Variants in EOLA1 observed in about 807,000 individuals in gnomAD.
EOLA1 encodes the protein protein EOLA1.
A neutral mutation model predicts 4.5 loss-of-function variants in EOLA1; 1 was observed. The ratio of observed to expected loss-of-function variants is 0.22; its 90% CI spans 0.08 to 1.05. The LOEUF (loss-of-function observed/expected upper bound fraction) is 1.05, where lower values mean the gene tolerates loss of function less well. Among genes scored for constraint, EOLA1 ranks in the 50% least tolerant of loss-of-function variants. The pLI is 0.57. For synonymous variants in EOLA1, 37 were observed against 52.3 expected, an observed-to-expected ratio of 0.71 and a Z score of 1.26; for missense variants, 69 against 127.2, an observed-to-expected ratio of 0.54 and a Z score of 2.20.
downstream of EOLA1, chrX:149,548,352 A>G: frequency 3.2e-6 from 3 of 932,740 alleles, no homozygotes; most frequent in Non-Finnish European, 4.0e-6. Context: ...GTGTTTCTGA[A>G]CTGTTCACAG....
At chrX:149,543,434 C>T (rs1449317054) in intron 2 of EOLA1, among the ~76,000 whole-genome samples, 1 of 86,610 alleles carries the variant, frequency 1.2e-5, no homozygotes, top group Admixed American at 1.2e-4. Context: ...CTCATTGTCC[C>T]TGTACCAAGA....
At chrX:149,554,568 AGCCATGGT>A (rs1320398642), downstream of EOLA1, among the ~76,000 whole-genome samples, 1 of 56,386 alleles carries the variant, frequency 1.8e-5, no homozygotes, top group Non-Finnish European at 3.4e-5. Flanking sequence ...GGAGGGGTTG[AGCCATGGT>A]GCAGTTTCTG....
chrX:149,545,223 T>C (rs2089816812), intron 2 of EOLA1, 145 bp from the exon 3 acceptor site: 2 of 674,499 alleles, frequency 3.0e-6, no homozygotes, highest in Non-Finnish European at 1.8e-6. Flanking sequence ...GGACTCTCCC[T>C]CTGTGCTGGA....
chrX:149,547,415 A>T lies in EOLA1; in HGVS notation c.*453A>T, dbSNP rs1327806019. On this transcript the variant is annotated 3_prime_UTR_variant, in exon 5 of 5. Coordinates refer to ENST00000393985, the MANE Select transcript of EOLA1 (RefSeq NM_001171907.3). Reference sequence around the variant, plus strand: ...CAGGCGACAATACAGAAAGTCTGGGACCTGGCACTGAATGTTTGCCTGGTA... The same window carrying T: ...CAGGCGACAATACAGAAAGTCTGGGTCCTGGCACTGAATGTTTGCCTGGTA... The T allele has an allele frequency of 2.6e-6, 2 of 761,939 alleles. No homozygotes were observed. Among genetic ancestry groups the T allele is most frequent in the Admixed American group, 1.5e-4 (2 of 13,070 alleles). The allele number at this position is 761,939 out of a possible 1,213,427, so 62.8% of individuals were successfully genotyped here.
chrX:149,546,445 AC>A (rs1322036463), intron 4 of EOLA1, among the ~76,000 whole-genome samples: 1 of 110,250 alleles, frequency 9.1e-6, no homozygotes, highest in Non-Finnish European at 1.9e-5. Context: ...CCAATCTGCA[AC>A]CGCTGCCCTC....
intron 2 of EOLA1, among the ~76,000 whole-genome samples, chrX:149,542,422 C>T (rs1330982878): frequency 1.1e-4 from 12 of 108,391 alleles, no homozygotes; most frequent in African/African-American, 2.7e-4. Context: ...GGAGGGTACA[C>T]GGGTGAGTCT....
At chrX:149,546,235 C>T (rs2089842076) in intron 4 of EOLA1, among the ~76,000 whole-genome samples, 1 of 98,303 alleles carries the variant, frequency 1.0e-5, no homozygotes, top group Admixed American at 1.1e-4. Context: ...TGAAAAGCAG[C>T]CCAGCCCGCC....
Position 149,545,707 on chromosome X carries a change from G to A in EOLA1, c.77G>A (p.Arg26His), listed in dbSNP as rs782541989. The change falls in exon 4 of 5, where the codon CGC becomes CAC. Residue 26 changes from arginine (R) to histidine (H), a missense_variant. By Grantham distance (29) the Arg-to-His change is conservative (BLOSUM62 0). Transcript: ENST00000393985. Reference protein sequence around the residue: ...VLNGIKTVETRWRPLLSSQRN... With the variant: ...VLNGIKTVETHWRPLLSSQRN... ...AATGGAATCAAGACTGTGGAGACGC[G>A]CTGGCGTCCCCTGCTGAGCAGCCAG... 3 of 1,211,873 alleles carry A rather than the reference G, an allele frequency of 2.5e-6. No homozygotes were observed. The highest frequency in any genetic ancestry group is 1.8e-5 in the South Asian group (1 of 57,024).
chrX:149,544,608 A>G (rs1213225069), intron 2 of EOLA1: 44 of 751,201 alleles, frequency 5.9e-5, no homozygotes, highest in Non-Finnish European at 5.8e-5. Context: ...TCAAGAGTCT[A>G]TGACTGGGCT....
chrX:149,545,188 G>A (rs1244079694), intron 2 of EOLA1, 180 bp from the exon 3 acceptor site: 1 of 557,588 alleles, frequency 1.8e-6, no homozygotes, highest in African/African-American at 2.7e-5. Context: ...GCACAGCAGG[G>A]GAAAGGGAAG....
At chrX:149,546,007 G>A (rs2089837392) in intron 4 of EOLA1, 124 bp downstream of exon 4, 1 of 814,035 alleles carries the variant, frequency 1.2e-6, no homozygotes, top group African/African-American at 2.1e-5. Flanking sequence ...GTTTCCTTTG[G>A]CAACACACCT....
rs1183266961 is a variant in EOLA1 at position 149,545,173 on chromosome X, G to A, written c.-162-195G>A. On this transcript the variant is annotated intron_variant, in intron 2 of 4. Coordinates refer to ENST00000393985, the MANE Select transcript of EOLA1 (RefSeq NM_001171907.3). ...CAGGGCCAGGGCACTGAGAGTATTG[G>A]CAGGGCACAGCAGGGGAAAGGGAAG... 1.9e-5 allele frequency: 9 copies of A among 479,711 alleles called. No individual in the cohort carries two copies. The Admixed American group carries it at 8.2e-4, about 44-fold the overall frequency. The allele number at this position is 479,711 out of a possible 1,213,427, so 39.5% of individuals were successfully genotyped here. A position where few individuals can be genotyped will look rare whatever the true frequency, so the allele number is the denominator to read the frequency against.
In EOLA1 at chrX:149,541,068, G is replaced by C. The variant is rs1310587346; in HGVS notation, c.-505G>C. On this transcript the variant is annotated 5_prime_UTR_variant, in exon 1 of 5. Coordinates refer to ENST00000393985, the MANE Select transcript of EOLA1 (RefSeq NM_001171907.3). ...TGGCCACTGGTTTCCCGGAGTTAGC[G>C]GCAACGACCTTGCAGCCTGGACACT... 8.9e-6 allele frequency: 1 copy of C among 112,371 alleles called. No individual in the cohort carries two copies. Among genetic ancestry groups the C allele is most frequent in the African/African-American group, 3.2e-5 (1 of 30,915 alleles). The allele number at this position is 112,371 out of a possible 1,213,427, so 9.3% of individuals were successfully genotyped here. A position where few individuals can be genotyped will look rare whatever the true frequency, so the allele number is the denominator to read the frequency against.
downstream of EOLA1, chrX:149,548,455 A>T (rs195222): frequency 1.1e-6 from 1 of 929,467 alleles, no homozygotes; most frequent in Admixed American, 5.9e-5. Context: ...CCAACAGAGC[A>T]TAGTAACAGA....
At chrX:149,545,055 T>G (rs2089812252) in intron 2 of EOLA1, 2 of 693,837 alleles carry the variant, frequency 2.9e-6, no homozygotes, top group Non-Finnish European at 3.4e-6. Context: ...GAGGTCACGG[T>G]GCATCCTGAG....
chrX:149,543,494 GGGGGGT>G (rs2089770809), intron 2 of EOLA1, among the ~76,000 whole-genome samples: 1 of 60,517 alleles, frequency 1.7e-5, no homozygotes, highest in Non-Finnish European at 3.1e-5. Context: ...AAGTGCTGGG[GGGGGGT>G]GGGGGTGCTA....
At chrX:149,544,474 GC>G (rs1569560754) in intron 2 of EOLA1, 1 of 743,853 alleles carries the variant, frequency 1.3e-6, no homozygotes. Flanking sequence ...CGGGGGCGGG[GC>G]CACGGGCCTG....
At chrX:149,543,818 T>C (rs2089778387) in intron 2 of EOLA1, among the ~76,000 whole-genome samples, 1 of 89,325 alleles carries the variant, frequency 1.1e-5, no homozygotes, top group Admixed American at 1.1e-4. Flanking sequence ...CACCACGGGA[T>C]TCAGAGCAGG....
At position 149,545,503 on chromosome X, in the gene EOLA1, C is replaced by A; in HGVS notation, c.-30+3C>A. ...GACGGAAGCAGGAGACCATCAAGGT[C>A]AGTGCGATTTAGGCCACCTGAGAGA... is the stretch of plus-strand genomic sequence containing the variant. On this transcript the variant is annotated splice_donor_region_variant and intron_variant, in intron 3 of 4. Transcript: ENST00000393985. 2.6e-6 allele frequency: 3 copies of A among 1,133,839 alleles called. No individual in the cohort carries two copies. The South Asian group carries it at 6.5e-5, about 25-fold the overall frequency. 93.4% of individuals were successfully genotyped at this position (1,133,839 alleles called of 1,213,427 possible). A position where few individuals can be genotyped will look rare whatever the true frequency, so the allele number is the denominator to read the frequency against.
Sources: gnomAD v4.1 joint callset for allele counts (sites outside exome capture counted in the v4.1 genomes callset) on GRCh38, gnomAD v4.1.1 for gene constraint, MANE v1.5 for transcripts, NCBI Gene and HGNC (gene_info 2026-07-23, HGNC 2026-07-21) for gene names.